Variants in CTNND2 observed in about 807,000 individuals in gnomAD.
The protein encoded by CTNND2 is catenin delta 2.
Under a neutral mutation model 144.4 loss-of-function variants are expected in CTNND2, and 22 were observed. The ratio of observed to expected loss-of-function variants is 0.15; its 90% confidence interval spans 0.11 to 0.22. The LOEUF is 0.22. Ranked by LOEUF, CTNND2 falls within the 10% of genes least tolerant of loss-of-function variation. CTNND2 has a pLI of 1.00. For synonymous variants in CTNND2, 751 were observed against 695.6 expected (o/e 1.08, Z -1.25); for missense variants, 1,353 against 1,618.8 (o/e 0.84, Z 2.82).
intron 20 of CTNND2, among the ~76,000 whole-genome samples, chr5:10,983,534 T>G (rs1296569537): frequency 2.0e-5 from 3 of 152,226 alleles, no homozygotes; most frequent in African/African-American, 7.2e-5. Context: ...TCCTGGAGAA[T>G]TCAGCTTAGA....
chr5:11,387,413 G>A (rs1759203410), intron 6 of CTNND2, among the ~76,000 whole-genome samples: 1 of 152,108 alleles, frequency 6.6e-6, no homozygotes, highest in East Asian at 1.9e-4. Flanking sequence ...TGGATTTGGA[G>A]GGTGCGGAGT....
intron 9 of CTNND2, among the ~76,000 whole-genome samples, chr5:11,277,534 ATTTATTTATTTAT>A (rs1464260491): frequency 1.3e-5 from 2 of 149,846 alleles, no homozygotes; most frequent in Non-Finnish European, 3.0e-5. Context: ...TTATTTATTT[ATTTATTTATTTAT>A]TTTTGAGATG....
intron 1 of CTNND2, among the ~76,000 whole-genome samples, chr5:11,758,232 GATACATAATTGT>G (rs1373568508): frequency 2.0e-5 from 3 of 151,662 alleles, no homozygotes; most frequent in Non-Finnish European, 4.4e-5. Context: ...ATTTTTAATT[GATACATAATTGT>G]ATACATTCAT....
At chr5:11,810,579 A>C (rs1004237984) in intron 1 of CTNND2, among the ~76,000 whole-genome samples, 15 of 152,204 alleles carry the variant, frequency 9.9e-5, no homozygotes, top group African/African-American at 3.6e-4. Flanking sequence ...CTTACTATAA[A>C]AATTATTTGC....
At chr5:11,513,098 GC>G (rs1341684547) in intron 3 of CTNND2, among the ~76,000 whole-genome samples, 9 of 152,078 alleles carry the variant, frequency 5.9e-5, no homozygotes, top group African/African-American at 2.2e-4. Context: ...CTGCATCAGA[GC>G]CCCACTGCCA....
At chr5:11,329,611 T>G (rs1387050735) in intron 9 of CTNND2, among the ~76,000 whole-genome samples, 2 of 152,168 alleles carry the variant, frequency 1.3e-5, no homozygotes, top group African/African-American at 2.4e-5. Context: ...TTACCCACAC[T>G]GGAGAGATGC....
At chr5:11,508,055 C>T (rs1223713431) in intron 3 of CTNND2, among the ~76,000 whole-genome samples, 1 of 151,688 alleles carries the variant, frequency 6.6e-6, no homozygotes, top group Non-Finnish European at 1.5e-5. Flanking sequence ...CTATATATTA[C>T]ATCTCTGTCC....
chr5:11,431,404 T>C (rs1315715899), intron 3 of CTNND2, among the ~76,000 whole-genome samples: 1 of 152,208 alleles, frequency 6.6e-6, no homozygotes, highest in African/African-American at 2.4e-5. Context: ...AAAAGGGATG[T>C]CCATTTTTCT....
intron 16 of CTNND2, among the ~76,000 whole-genome samples, chr5:11,063,272 T>A (rs1283328437): frequency 6.6e-6 from 1 of 152,146 alleles, no homozygotes; most frequent in Non-Finnish European, 1.5e-5. Flanking sequence ...GTTATATTAT[T>A]TTTGAATATA....
At chr5:11,283,830 T>C (rs2150001702) in intron 9 of CTNND2, among the ~76,000 whole-genome samples, 1 of 152,272 alleles carries the variant, frequency 6.6e-6, no homozygotes, top group South Asian at 2.1e-4. Context: ...TTTTTCAGAA[T>C]TGAGGAAATT....
chr5:11,281,740 G>A (rs527920309), intron 9 of CTNND2, among the ~76,000 whole-genome samples: 2 of 152,130 alleles, frequency 1.3e-5, no homozygotes, highest in Non-Finnish European at 2.9e-5. Flanking sequence ...GCGCACCCTT[G>A]ACATCTCTTT....
At chr5:11,751,498 T>C (rs1234300028) in intron 1 of CTNND2, among the ~76,000 whole-genome samples, 1 of 151,850 alleles carries the variant, frequency 6.6e-6, no homozygotes, top group Non-Finnish European at 1.5e-5. Context: ...GGTTTTCTGT[T>C]CCTGCTTTAG....
At chr5:11,073,774 A>C (rs1242844165) in intron 16 of CTNND2, among the ~76,000 whole-genome samples, 1 of 152,250 alleles carries the variant, frequency 6.6e-6, no homozygotes, top group African/African-American at 2.4e-5. Flanking sequence ...ACAAAGTTCC[A>C]GCCAAGGTAC....
intron 16 of CTNND2, among the ~76,000 whole-genome samples, chr5:11,052,088 C>G (rs1745893803): frequency 6.6e-6 from 1 of 152,072 alleles, no homozygotes; most frequent in Non-Finnish European, 1.5e-5. Context: ...CCATATCAAG[C>G]TGGGGTGGAG....
chr5:11,891,388 G>A (rs1294693217), intron 1 of CTNND2, among the ~76,000 whole-genome samples: 1 of 152,174 alleles, frequency 6.6e-6, no homozygotes, highest in Non-Finnish European at 1.5e-5. Flanking sequence ...CCAGAGATTG[G>A]CCTTCCTTGA....
intron 9 of CTNND2, among the ~76,000 whole-genome samples, chr5:11,251,183 T>C (rs1210612860): frequency 2.6e-5 from 4 of 152,238 alleles, no homozygotes; most frequent in Non-Finnish European, 5.9e-5. Flanking sequence ...TTATAGAACT[T>C]GAGTTTCCTG....
intron 9 of CTNND2, among the ~76,000 whole-genome samples, chr5:11,296,646 T>C (rs1580827073): frequency 6.6e-6 from 1 of 152,170 alleles, no homozygotes; most frequent in Admixed American, 6.5e-5. Flanking sequence ...TGGAATACTA[T>C]GCAGCCATAA....
At chr5:11,209,870 C>T (rs759550988) in intron 10 of CTNND2, among the ~76,000 whole-genome samples, 1 of 152,012 alleles carries the variant, frequency 6.6e-6, no homozygotes, top group Non-Finnish European at 1.5e-5. Context: ...TGCAGTGAGC[C>T]GAGATCGCAC....
chr5:11,871,568 T>C (rs1735127394), intron 1 of CTNND2, among the ~76,000 whole-genome samples: 1 of 152,228 alleles, frequency 6.6e-6, no homozygotes, highest in South Asian at 2.1e-4. Flanking sequence ...AAAGAATTTG[T>C]ATTTTAAAGA....
Sources: allele counts gnomAD v4.1 joint callset (sites outside exome capture counted in the v4.1 genomes callset), GRCh38; gene constraint gnomAD v4.1.1; transcripts MANE v1.5; gene names NCBI Gene and HGNC (gene_info 2026-07-23, HGNC 2026-07-21).